The following FOXP1 variants were observed in gnomAD, a reference collection of about 807,000 sequenced individuals.
FOXP1 encodes forkhead box P1, also known as forkhead box protein P1.
A neutral mutation model predicts 98.2 loss-of-function variants in FOXP1; 15 were observed. The observed-to-expected ratio is 0.15, with a 90% CI of 0.10 to 0.24. FOXP1 has a LOEUF of 0.24. Among genes scored for constraint, FOXP1 ranks in the 10% least tolerant of loss-of-function variants. The pLI is 1.00. For missense variants in FOXP1, 633 were observed against 848.5 expected, an observed-to-expected ratio of 0.75 and a Z score of 3.15; for synonymous variants, 371 against 314.5, an observed-to-expected ratio of 1.18 and a Z score of -1.90.
intron 2 of FOXP1, among the ~76,000 whole-genome samples, chr3:71,502,104 G>A (rs2107199394): frequency 6.6e-6 from 1 of 152,338 alleles, no homozygotes; most frequent in African/African-American, 2.4e-5. Flanking sequence ...TGCTCTTTAA[G>A]AATCATGGGA....
chr3:71,567,406 C>T (rs541467042), intron 2 of FOXP1, among the ~76,000 whole-genome samples: 28 of 151,822 alleles, frequency 1.8e-4, no homozygotes, highest in Admixed American at 9.2e-4. Flanking sequence ...GATGCCAAAG[C>T]TACTAAGTGG....
chr3:71,272,598 T>A (rs546049865), intron 5 of FOXP1, among the ~76,000 whole-genome samples: 1 of 150,248 alleles, frequency 6.7e-6, no homozygotes, highest in South Asian at 2.1e-4. Flanking sequence ...AGGTCTCTAG[T>A]CCCTTGTTTT....
At chr3:71,030,284 G>A (rs906537213) in intron 11 of FOXP1, among the ~76,000 whole-genome samples, 6 of 152,070 alleles carry the variant, frequency 3.9e-5, no homozygotes, top group African/African-American at 1.2e-4. Context: ...GGTCCATAAC[G>A]CAGCCAAATA....
chr3:70,959,132 G>GA lies in FOXP1; in HGVS notation c.*114dup, dbSNP rs2032564461. ...CATTTCAGAGTTGTCAAAACGTAGT[G>GA]AAAATCCTCCAGACTGTACAACAAA... On this transcript the variant is annotated 3_prime_UTR_variant, in exon 21 of 21. Transcript: ENST00000649528. 2 of 1,254,556 alleles carry GA rather than the reference G, an allele frequency of 1.6e-6. No homozygotes were observed. Among genetic ancestry groups the GA allele is most frequent in the Non-Finnish European group, 2.3e-6 (2 of 869,818 alleles). The allele number at this position is 1,254,556 out of a possible 1,614,324, so 77.7% of individuals were successfully genotyped here. A position where few individuals can be genotyped will look rare whatever the true frequency, so the allele number is the denominator to read the frequency against.
chr3:71,419,887 T>A (rs2083499698), intron 3 of FOXP1, among the ~76,000 whole-genome samples: 2 of 152,088 alleles, frequency 1.3e-5, no homozygotes, highest in South Asian at 4.1e-4. Flanking sequence ...TGATCTCGGC[T>A]CGCTGCAACC....
In FOXP1 at chr3:71,294,221, T is replaced by C. The variant is rs144132968; in HGVS notation, c.-12+5599A>G. On this transcript the variant is annotated intron_variant, in intron 5 of 20. Coordinates refer to ENST00000649528, the MANE Select transcript of FOXP1 (RefSeq NM_001349338.3). ...GCAACTCTGAACACATTAAGAACTA[T>C]TGAAAAGTCAGTACACCTTAAATGG... 1.7e-4 allele frequency among the ~76,000 whole-genome samples: 26 copies of C among 152,348 alleles called. 1 individual carries two copies. Among genetic ancestry groups the C allele is most frequent in the African/African-American group, 5.3e-4 (22 of 41,582 alleles).
chr3:71,129,166 C>T (rs1305813362), intron 6 of FOXP1, among the ~76,000 whole-genome samples: 1 of 152,118 alleles, frequency 6.6e-6, no homozygotes, highest in African/African-American at 2.4e-5. Flanking sequence ...ACTGAGTTTT[C>T]GGCCCCCACA....
chr3:70,965,723 C>A (rs544889145), intron 20 of FOXP1, among the ~76,000 whole-genome samples, 167 bp downstream of exon 20: 1 of 152,150 alleles, frequency 6.6e-6, no homozygotes, highest in South Asian at 2.1e-4. Context: ...TCCTTTTATG[C>A]ACTAACCAAG....
chr3:71,188,321 G>C lies in FOXP1; in HGVS notation c.180+9881C>G, dbSNP rs151155821. 4.9e-4 allele frequency among the ~76,000 whole-genome samples: 74 copies of C among 152,228 alleles called. No homozygotes were observed. The East Asian group carries it at 0.013, about 27-fold the overall frequency. On this transcript the variant is annotated intron_variant, in intron 6 of 20. Coordinates refer to ENST00000649528, the MANE Select transcript of FOXP1 (RefSeq NM_001349338.3). ...ATCATGTCACCTTCCCTTCAATGTG[G>C]AGAGACCGAAGTTGAAGATGAGACA...
chr3:70,996,573 C>T (rs148850791), intron 13 of FOXP1, among the ~76,000 whole-genome samples: 100 of 152,306 alleles, frequency 6.6e-4, no homozygotes, highest in African/African-American at 2.2e-3. Flanking sequence ...ATCAGAGACA[C>T]AAGGGCCTTC....
chr3:71,108,463 A>G (rs1338017756), intron 7 of FOXP1, among the ~76,000 whole-genome samples: 1 of 152,220 alleles, frequency 6.6e-6, no homozygotes, highest in Non-Finnish European at 1.5e-5. Context: ...AAGTATATAA[A>G]TATTTATAGA....
chr3:71,208,934 C>A (rs574713430), intron 5 of FOXP1, among the ~76,000 whole-genome samples: 4 of 152,282 alleles, frequency 2.6e-5, no homozygotes, highest in Admixed American at 1.3e-4. Context: ...CAGCTGCTGA[C>A]CACCATGAAA....
intron 9 of FOXP1, among the ~76,000 whole-genome samples, chr3:71,049,291 T>C (rs1375762687): frequency 6.6e-6 from 1 of 152,140 alleles, no homozygotes; most frequent in Non-Finnish European, 1.5e-5. Context: ...ACGGCCCTTT[T>C]AAAACAATCA....
At position 71,581,690 on chromosome 3, in the gene FOXP1, TTCGG is replaced by T. The variant is rs2048182002; in HGVS notation, c.-443_-440del. 1.0e-6 allele frequency: 1 copy of T among 985,602 alleles called. No homozygotes were observed. The highest frequency in any genetic ancestry group is 1.7e-5 in the African/African-American group (1 of 57,232). The allele number at this position is 985,602 out of a possible 1,614,324, so 61.1% of individuals were successfully genotyped here. ...GCGCGCTCTCTTCCTCTTACAAACT[TTCGG>T]GTTCTGCAGTCGACAAGAAACCGGG... On this transcript the variant is annotated 5_prime_UTR_variant, in exon 2 of 21. Coordinates refer to ENST00000649528, the MANE Select transcript of FOXP1 (RefSeq NM_001349338.3).
intron 12 of FOXP1, among the ~76,000 whole-genome samples, chr3:71,013,228 T>G (rs2043922190): frequency 6.6e-6 from 1 of 152,172 alleles, no homozygotes; most frequent in Non-Finnish European, 1.5e-5. Context: ...GACAAGAACC[T>G]GAACAAAAGT....
At chr3:71,232,064 G>A (rs1341132653) in intron 5 of FOXP1, among the ~76,000 whole-genome samples, 1 of 152,234 alleles carries the variant, frequency 6.6e-6, no homozygotes, top group Admixed American at 6.5e-5. Context: ...TGTCTCTCTT[G>A]TCAGGTCACA....
chr3:71,317,150 T>C (rs530995819), intron 4 of FOXP1, among the ~76,000 whole-genome samples: 148 of 152,338 alleles, frequency 9.7e-4, no homozygotes, highest in Non-Finnish European at 1.2e-3. Context: ...AAAAGGAATA[T>C]TTTACTATCC....
At chr3:71,531,941 C>A (rs993348115) in intron 2 of FOXP1, among the ~76,000 whole-genome samples, 2 of 152,198 alleles carry the variant, frequency 1.3e-5, no homozygotes, top group African/African-American at 4.8e-5. Flanking sequence ...TCTGAAAAAA[C>A]CGAATGTCAT....
chr3:71,302,884 T>C (rs983150999), intron 4 of FOXP1: 1 of 152,210 alleles, frequency 6.6e-6, no homozygotes, highest in Admixed American at 6.5e-5. Flanking sequence ...TGTACATTCC[T>C]CTTTCTCTAC....
Sources: allele counts gnomAD v4.1 joint callset (sites outside exome capture counted in the v4.1 genomes callset), GRCh38; gene constraint gnomAD v4.1.1; transcripts MANE v1.5; gene names NCBI Gene and HGNC (gene_info 2026-07-23, HGNC 2026-07-21).